CATSPERD: variants seen among roughly 807,000 people sequenced by gnomAD.
The protein encoded by CATSPERD is cation channel sperm-associated auxiliary subunit delta.
CATSPERD carries 86 observed loss-of-function variants against 98.1 expected under a neutral mutation model. The observed-to-expected ratio is 0.88, with a 90% CI of 0.74 to 1.05. The LOEUF (loss-of-function observed/expected upper bound fraction) is 1.05, where lower values mean the gene tolerates loss of function less well. CATSPERD is among the 50% of genes least tolerant of loss of function. The pLI is 0.00. For missense variants in CATSPERD, 995 were observed against 1,005.7 expected (o/e 0.99, Z 0.14); for synonymous variants, 394 against 390.2 (o/e 1.01, Z -0.12).
chr19:5,774,418 C>A (rs1351320617), intron 20 of CATSPERD, among the ~76,000 whole-genome samples: 1 of 151,978 alleles, frequency 6.6e-6, no homozygotes, highest in Non-Finnish European at 1.5e-5. Flanking sequence ...CCTGGACAGG[C>A]ACAGTGGCTC....
chr19:5,763,378 G>C (rs1599579344), intron 16 of CATSPERD, 85 bp downstream of exon 16: 6 of 1,070,022 alleles, frequency 5.6e-6, no homozygotes, highest in Non-Finnish European at 8.7e-6. Flanking sequence ...GCAATGAGCT[G>C]AGATAGTGCC....
At chr19:5,742,227 TGC>T (rs1239356466) in intron 7 of CATSPERD, among the ~76,000 whole-genome samples, 7 of 151,616 alleles carry the variant, frequency 4.6e-5, no homozygotes, top group African/African-American at 1.7e-4. Flanking sequence ...TACATGTGTG[TGC>T]GTGTGTGTAC....
chr19:5,775,143 G>T (rs747390568), intron 20 of CATSPERD: 1 of 410,036 alleles, frequency 2.4e-6, no homozygotes, highest in Admixed American at 2.8e-5. Context: ...TACTTGAGAC[G>T]GTCACTACAA....
intron 10 of CATSPERD, among the ~76,000 whole-genome samples, chr19:5,748,584 G>A (rs1235566118): frequency 2.3e-5 from 3 of 131,050 alleles, no homozygotes; most frequent in African/African-American, 5.9e-5. Flanking sequence ...TGAGCAGATC[G>A]CACCATGGCA....
At chr19:5,766,003 T>G in intron 16 of CATSPERD, 100 bp from the exon 17 acceptor site, 1 of 854,178 alleles carries the variant, frequency 1.2e-6, no homozygotes, top group Non-Finnish European at 1.8e-6. Flanking sequence ...CCACATGGTT[T>G]CCAAACCATT....
chr19:5,770,847 G>A (rs970916088), intron 18 of CATSPERD, 97 bp from the exon 19 acceptor site: 61 of 1,433,200 alleles, frequency 4.3e-5, no homozygotes, highest in Non-Finnish European at 5.5e-5. Context: ...TCTCATGGAC[G>A]ATCCCCATTT....
rs190902823 is a variant in CATSPERD, at chr19:5,747,357, G to A, written c.809-803G>A. Among the ~76,000 whole-genome samples the A allele has an allele frequency of 1.9e-4, 28 of 146,650 alleles. No individual in the cohort carries two copies. In the East Asian group the frequency reaches 5.4e-3, roughly 28 times the overall value. On this transcript the variant is annotated intron_variant, in intron 9 of 21. Transcript: ENST00000381624. ...TAACTAACTTATTTTTTGTAGAGAC[G>A]GGGTTTCACCCTGTTGCCCGGGCTG...
chr19:5,720,997 C>T (rs976769497), intron 1 of CATSPERD, among the ~76,000 whole-genome samples, 189 bp downstream of exon 1: 9 of 148,970 alleles, frequency 6.0e-5, no homozygotes, highest in African/African-American at 2.0e-4. Flanking sequence ...GCTCTCCTAC[C>T]TCTTTTTTTT....
intron 1 of CATSPERD, among the ~76,000 whole-genome samples, chr19:5,722,392 C>A (rs10408480): frequency 0.1 from 15,699 of 152,112 alleles, 1,464 homozygotes; most frequent in African/African-American, 0.24. Flanking sequence ...ACGTGCTGGG[C>A]TTACAGGCGT....
chr19:5,765,406 ATT>A (rs1413988906), intron 16 of CATSPERD, among the ~76,000 whole-genome samples: 2 of 1,754 alleles, frequency 1.1e-3, no homozygotes, highest in African/African-American at 2.8e-3. Context: ...CCATTGATTT[ATT>A]CATTCATTCA....
At chr19:5,737,825 G>A (rs1218750328) in intron 6 of CATSPERD, among the ~76,000 whole-genome samples, 4 of 151,086 alleles carry the variant, frequency 2.6e-5, no homozygotes, top group Non-Finnish European at 4.4e-5. Context: ...ACTCCAGCCT[G>A]GGCAACAAGA....
intron 11 of CATSPERD, among the ~76,000 whole-genome samples, chr19:5,750,750 T>A (rs1025293581): frequency 6.7e-6 from 1 of 150,174 alleles, no homozygotes; most frequent in African/African-American, 2.5e-5. Flanking sequence ...AAGAAAAAAA[T>A]AATAATTACC....
chr19:5,765,657 C>G (rs751065581), intron 16 of CATSPERD, among the ~76,000 whole-genome samples: 3 of 151,472 alleles, frequency 2.0e-5, no homozygotes, highest in Non-Finnish European at 2.9e-5. Flanking sequence ...ACTAAAAATA[C>G]AAAAATTAGC....
At chr19:5,777,928 G>T (rs191474443) in intron 21 of CATSPERD, among the ~76,000 whole-genome samples, 3 of 151,826 alleles carry the variant, frequency 2.0e-5, no homozygotes, top group Non-Finnish European at 4.4e-5. Context: ...GTCAAAGTGG[G>T]CCAGGTGCAG....
chr19:5,770,953 C>G lies in CATSPERD; in HGVS notation c.1644C>G (p.Tyr548Ter). 6.2e-7 allele frequency: 1 copy of G among 1,607,582 alleles called. No individual in the cohort carries two copies. Among genetic ancestry groups the G allele is most frequent in the Non-Finnish European group, 8.5e-7 (1 of 1,177,212 alleles). ...TCTTGGTGTCTTGAAGGGAATTCTA[C>G]GACCCCGGCTTCCAGGGGCAGCAGT... ...NYSFIIEKEF[Y>*]DPGFQGQQSS... Residue 548 changes from tyrosine to a stop codon, truncating the protein, a stop_gained, in exon 19 of 22, where the codon TAC becomes TAG. Coordinates refer to ENST00000381624, the MANE Select transcript of CATSPERD (RefSeq NM_152784.4). LOFTEE classifies it high-confidence loss of function.
At chr19:5,741,800 G>GGGGGGGGGGGGGT (rs2055976568) in intron 7 of CATSPERD, among the ~76,000 whole-genome samples, 2 of 75,742 alleles carry the variant, frequency 2.6e-5, no homozygotes, top group African/African-American at 4.4e-5. Context: ...GGGGGGGGGT[G>GGGGGGGGGGGGGT]GTGTGGATCA....
At chr19:5,741,942 C>T (rs974192998) in intron 7 of CATSPERD, among the ~76,000 whole-genome samples, 7 of 150,732 alleles carry the variant, frequency 4.6e-5, no homozygotes, top group South Asian at 2.1e-4. Context: ...CTGAGGCAGG[C>T]GAGTCACTTG....
chr19:5,759,326 C>T (rs1302664172), intron 15 of CATSPERD, among the ~76,000 whole-genome samples, 182 bp downstream of exon 15: 1 of 151,602 alleles, frequency 6.6e-6, no homozygotes, highest in African/African-American at 2.4e-5. Context: ...CTTTGGGAGG[C>T]AGAGGTGGGT....
intron 16 of CATSPERD, among the ~76,000 whole-genome samples, chr19:5,765,100 G>C (rs2145838457): frequency 6.6e-6 from 1 of 152,196 alleles, no homozygotes; most frequent in East Asian, 1.9e-4. Context: ...ATAGAGATGA[G>C]GTGTCACTAT....
Sources: gnomAD v4.1 joint callset for allele counts (sites outside exome capture counted in the v4.1 genomes callset) on GRCh38, gnomAD v4.1.1 for gene constraint, MANE v1.5 for transcripts, NCBI Gene and HGNC (gene_info 2026-07-23, HGNC 2026-07-21) for gene names.